Variants in DENND4A observed in about 807,000 individuals in gnomAD.
DENND4A encodes DENN domain containing 4A, also known as C-myc promoter-binding protein.
DENND4A carries 70 observed loss-of-function variants against 199.3 expected under a neutral mutation model. The ratio of observed to expected loss-of-function variants is 0.35; its 90% confidence interval spans 0.29 to 0.43. The LOEUF (loss-of-function observed/expected upper bound fraction) is 0.43, where lower values mean the gene tolerates loss of function less well. DENND4A is among the 20% of genes least tolerant of loss of function. The probability of loss-of-function intolerance (pLI) is 1.00; values close to 1 mark genes in which losing one functional copy is unlikely to be tolerated. For synonymous variants in DENND4A, 686 were observed against 766.9 expected (o/e 0.89, Z 1.74); for missense variants, 1,723 against 2,255.8 (o/e 0.76, Z 4.78).
chr15:65,691,284 A>G lies in DENND4A; in HGVS notation c.3310T>C (p.Leu1104=), dbSNP rs777956913. Residue 1104 remains leucine, a synonymous_variant, in exon 23 of 33, where the codon TTG becomes CTG. Coordinates refer to ENST00000443035, the MANE Select transcript of DENND4A (RefSeq NM_001320835.1). ...GAAAGAATTTTTGCATCAGCTCCCA[A>G]TTTTTCAACTATATCTCCAGGGGTT... ...EATPGDIVEK[L]GADAKILSNV... 1 of 1,613,044 alleles carries G rather than the reference A, an allele frequency of 6.2e-7. No homozygotes were observed. Among genetic ancestry groups the G allele is most frequent in the South Asian group, 1.1e-5 (1 of 90,992 alleles).
chr15:65,674,212 T>C (rs894637930), intron 24 of DENND4A, among the ~76,000 whole-genome samples: 3 of 152,146 alleles, frequency 2.0e-5, no homozygotes, highest in South Asian at 4.1e-4. Flanking sequence ...ATATATATGA[T>C]AAATATCACT....
intron 1 of DENND4A, among the ~76,000 whole-genome samples, chr15:65,783,209 C>T (rs2077478795): frequency 6.6e-6 from 1 of 152,128 alleles, no homozygotes; most frequent in Admixed American, 6.5e-5. Context: ...AAGCACTGTT[C>T]TTTTTTGGTA....
intron 14 of DENND4A, among the ~76,000 whole-genome samples, chr15:65,714,919 C>T (rs879453536): frequency 1.1e-4 from 17 of 152,162 alleles, no homozygotes; most frequent in Non-Finnish European, 2.5e-4. Flanking sequence ...AAACCCCTCT[C>T]TGGACTACCA....
intron 12 of DENND4A, among the ~76,000 whole-genome samples, chr15:65,720,376 TG>T (rs1475904071): frequency 6.6e-6 from 1 of 151,958 alleles, no homozygotes; most frequent in Non-Finnish European, 1.5e-5. Flanking sequence ...GTGAAAATAC[TG>T]GAAGAACGTA....
intron 1 of DENND4A, among the ~76,000 whole-genome samples, chr15:65,791,307 C>A (rs1438197612): frequency 1.3e-5 from 2 of 152,238 alleles, no homozygotes; most frequent in African/African-American, 4.8e-5. Flanking sequence ...TCCAGCACAT[C>A]TGTCATTTAA....
chr15:65,744,908 G>A (rs1273014141), intron 4 of DENND4A, among the ~76,000 whole-genome samples: 2 of 152,102 alleles, frequency 1.3e-5, no homozygotes, highest in African/African-American at 4.8e-5. Flanking sequence ...TAAAGGTAAC[G>A]ACTAAAACTT....
At chr15:65,766,592 C>G (rs550552533) in intron 1 of DENND4A, 2 of 152,314 alleles carry the variant, frequency 1.3e-5, no homozygotes, top group South Asian at 2.1e-4. Flanking sequence ...TCTCAACAGG[C>G]AACTGTGGGG....
chr15:65,701,175 G>A lies in DENND4A; in HGVS notation c.2577C>T (p.Thr859=), dbSNP rs1330247794. ...GYYNKAVLES[T]WPSRSRSGYF... ...AGCCACTACGACTTCTTGAAGGCCA[G>A]GTACTTTCCAAAACAGCCTATTCAT... The change falls in exon 19 of 33, where the codon ACC becomes ACT. Residue 859 remains threonine (T), a synonymous_variant. Coordinates refer to ENST00000443035, the MANE Select transcript of DENND4A (RefSeq NM_001320835.1). 1 of 1,591,020 alleles carries A rather than the reference G, an allele frequency of 6.3e-7. No individual in the cohort carries two copies. Among genetic ancestry groups the A allele is most frequent in the Non-Finnish European group, 8.5e-7 (1 of 1,173,232 alleles).
At position 65,759,821 on chromosome 15, in the gene DENND4A, A is replaced by G. The variant is rs542703790; in HGVS notation, c.-23+1539T>C. Reference sequence around the variant, plus strand: ...GTGTTTAACTTTTTTTCTCCAGTTCATTAGTCTTTGAAAACAATTTTTAAA... The same window carrying G: ...GTGTTTAACTTTTTTTCTCCAGTTCGTTAGTCTTTGAAAACAATTTTTAAA... On this transcript the variant is annotated intron_variant, in intron 2 of 32. Transcript: ENST00000443035. Among the ~76,000 whole-genome samples, 99 of 152,338 alleles carry G rather than the reference A, an allele frequency of 6.5e-4. 1 individual carries two copies. The highest frequency in any genetic ancestry group is 2.3e-3 in the African/African-American group (97 of 41,588).
In DENND4A at chr15:65,661,790, A is replaced by C. The variant is rs2141800974; in HGVS notation, c.*61T>G. The C allele has an allele frequency of 7.2e-7, 1 of 1,389,282 alleles. No individual in the cohort carries two copies. The highest frequency in any genetic ancestry group is 1.8e-4 in the Middle Eastern group (1 of 5,442). 86.1% of individuals were successfully genotyped at this position (1,389,282 alleles called of 1,614,324 possible). ...GAAGAAAAAATATTTAGAGTCTAAA[A>C]GTGTTATTTTATACACTGACTATAC... On this transcript the variant is annotated 3_prime_UTR_variant, in exon 33 of 33. Coordinates refer to ENST00000443035, the MANE Select transcript of DENND4A (RefSeq NM_001320835.1).
intron 30 of DENND4A, 41 bp from the exon 31 acceptor site, chr15:65,664,763 T>C: frequency 6.6e-7 from 1 of 1,523,650 alleles, no homozygotes; most frequent in East Asian, 2.3e-5. Flanking sequence ...AAATGTTCTG[T>C]GTAGAAAGGA....
chr15:65,713,481 T>C (rs2075304792), intron 14 of DENND4A, among the ~76,000 whole-genome samples: 1 of 152,250 alleles, frequency 6.6e-6, no homozygotes, highest in Admixed American at 6.5e-5. Context: ...GCCAGGCTTT[T>C]CCACTATAAA....
intron 4 of DENND4A, among the ~76,000 whole-genome samples, chr15:65,746,162 A>G (rs1596584726): frequency 6.6e-6 from 1 of 151,844 alleles, no homozygotes; most frequent in East Asian, 1.9e-4. Context: ...AAAAGGAATT[A>G]AAAGCATTTT....
intron 2 of DENND4A, among the ~76,000 whole-genome samples, chr15:65,756,960 C>A (rs1681231998): frequency 6.6e-6 from 1 of 152,150 alleles, no homozygotes; most frequent in Non-Finnish European, 1.5e-5. Flanking sequence ...TCTCCTGAAT[C>A]CGGGAAGCTG....
intron 7 of DENND4A, among the ~76,000 whole-genome samples, chr15:65,734,904 A>C (rs1462608782): frequency 6.6e-6 from 1 of 152,140 alleles, no homozygotes; most frequent in Non-Finnish European, 1.5e-5. Context: ...CAACATGGTG[A>C]AATCCTGTCT....
intron 7 of DENND4A, among the ~76,000 whole-genome samples, chr15:65,733,355 T>C (rs969401087): frequency 6.6e-6 from 1 of 152,086 alleles, no homozygotes; most frequent in Non-Finnish European, 1.5e-5. Flanking sequence ...TTTAACACTA[T>C]GGAACAGAAA....
In DENND4A at chr15:65,783,830, G is replaced by A. The variant is rs985717272; in HGVS notation, c.-102+8180C>T. 2.6e-5 allele frequency among the ~76,000 whole-genome samples: 4 copies of A among 151,840 alleles called. No homozygotes were observed. The East Asian group carries it at 7.7e-4, about 29-fold the overall frequency. On this transcript the variant is annotated intron_variant, in intron 1 of 32. Coordinates refer to ENST00000443035, the MANE Select transcript of DENND4A (RefSeq NM_001320835.1). ...TAAATGATTGAATAAATATATAAACGGAGAAGAAAAAAAGACTATCCATAG... is the reference window on the plus strand; with the variant it reads ...TAAATGATTGAATAAATATATAAACAGAGAAGAAAAAAAGACTATCCATAG...
At chr15:65,766,418 T>C (rs973588871) in intron 1 of DENND4A, 1 of 152,244 alleles carries the variant, frequency 6.6e-6, no homozygotes, top group African/African-American at 2.4e-5. Context: ...ACAACACTGA[T>C]TTGAACTGTG....
chr15:65,720,616 C>T (rs1023582473), intron 12 of DENND4A, among the ~76,000 whole-genome samples: 16 of 150,238 alleles, frequency 1.1e-4, no homozygotes, highest in Admixed American at 6.7e-4. Flanking sequence ...TTTACTATGT[C>T]GGCCAGGCTG....
Sources: allele counts gnomAD v4.1 joint callset (sites outside exome capture counted in the v4.1 genomes callset), GRCh38; gene constraint gnomAD v4.1.1; transcripts MANE v1.5; gene names NCBI Gene and HGNC (gene_info 2026-07-23, HGNC 2026-07-21).